The following VPS37B variants were observed in gnomAD, a reference collection of about 807,000 sequenced individuals.
VPS37B encodes the protein vacuolar protein sorting-associated protein 37B.
A neutral mutation model predicts 21.2 loss-of-function variants in VPS37B; 11 were observed. The observed-to-expected ratio is 0.52, with a 90% CI of 0.33 to 0.86. The LOEUF (loss-of-function observed/expected upper bound fraction) is 0.86, where lower values mean the gene tolerates loss of function less well. Ranked by LOEUF, VPS37B falls within the 40% of genes least tolerant of loss-of-function variation. The pLI is 0.03. For missense variants in VPS37B, 389 were observed against 374.8 expected, an observed-to-expected ratio of 1.04 and a Z score of -0.31; for synonymous variants, 175 against 159.6, an observed-to-expected ratio of 1.10 and a Z score of -0.73.
chr12:122,872,620 GCT>G, intron 1 of VPS37B: 1 of 985,358 alleles, frequency 1.0e-6, no homozygotes, highest in South Asian at 4.7e-5. Context: ...CTCTCCATGG[GCT>G]TTCTATGCCA....
chr12:122,894,583 C>T (rs1251321751), intron 1 of VPS37B, among the ~76,000 whole-genome samples: 1 of 152,186 alleles, frequency 6.6e-6, no homozygotes, highest in Admixed American at 6.5e-5. Flanking sequence ...CGTGGGAAGG[C>T]TCAGACTTCA....
At chr12:122,894,216 A>T (rs1472883501) in intron 1 of VPS37B, among the ~76,000 whole-genome samples, 1 of 152,254 alleles carries the variant, frequency 6.6e-6, no homozygotes, top group Non-Finnish European at 1.5e-5. Context: ...GGAGACATGA[A>T]ACTCATTCAG....
At position 122,867,437 on chromosome 12, in the gene VPS37B, C is replaced by T. The variant is rs750092120; in HGVS notation, c.537G>A (p.Arg179=). 6.2e-7 allele frequency: 1 copy of T among 1,608,710 alleles called. No individual in the cohort carries two copies. Among genetic ancestry groups the T allele is most frequent in the East Asian group, 2.2e-5 (1 of 44,658 alleles). Residue 179 remains arginine, a synonymous_variant, in exon 4 of 4, where the codon AGG becomes AGA. Transcript: ENST00000267202. This position sits in a 1 kb window ranked among gnomAD's most constrained non-coding sequence, Gnocchi z 5.5. Reference sequence around the variant, plus strand: ...GGGCGGTAGGTGCCAGTTCGGGCAGCCTGGGGGGCAGCGGGGCCAGGGCCT... The same window carrying T: ...GGGCGGTAGGTGCCAGTTCGGGCAGTCTGGGGGGCAGCGGGGCCAGGGCCT... ...LPQALAPLPP[R]LPELAPTAPL...
intron 1 of VPS37B, chr12:122,881,366 T>C (rs2034244296): frequency 6.6e-6 from 1 of 152,282 alleles, no homozygotes; most frequent in South Asian, 2.1e-4. Context: ...CCCCAGTTAC[T>C]TGGGAGGCTG....
intron 1 of VPS37B, among the ~76,000 whole-genome samples, chr12:122,894,499 T>C (rs779828766): frequency 3.9e-5 from 6 of 152,216 alleles, no homozygotes; most frequent in Non-Finnish European, 8.8e-5. Context: ...GGCTTGGTGC[T>C]GAACAATCCC....
intron 1 of VPS37B, chr12:122,885,204 T>C (rs972962114): frequency 3.3e-5 from 5 of 151,934 alleles, no homozygotes; most frequent in African/African-American, 1.2e-4. Context: ...TCATATTTCA[T>C]GTAGGGGATC....
intron 1 of VPS37B, among the ~76,000 whole-genome samples, chr12:122,894,343 C>T (rs1450779789): frequency 6.6e-6 from 1 of 152,174 alleles, no homozygotes; most frequent in Non-Finnish European, 1.5e-5. Flanking sequence ...AGTTACAAAG[C>T]CCATGAATAC....
At chr12:122,887,821 T>A (rs1485399827) in intron 1 of VPS37B, 1 of 152,280 alleles carries the variant, frequency 6.6e-6, no homozygotes, top group Non-Finnish European at 1.5e-5. Context: ...ACCTCAGTCA[T>A]GTTCACATTA....
chr12:122,881,807 T>C (rs890351710), intron 1 of VPS37B: 2 of 152,176 alleles, frequency 1.3e-5, no homozygotes, highest in African/African-American at 4.8e-5. Flanking sequence ...ATACCTTTTT[T>C]AAAAAAACCT....
chr12:122,891,293 A>C (rs1165360001), intron 1 of VPS37B, among the ~76,000 whole-genome samples: 1 of 152,226 alleles, frequency 6.6e-6, no homozygotes, highest in East Asian at 1.9e-4. Flanking sequence ...TGAAAATTGC[A>C]TCTTAATAAA....
At position 122,868,676 on chromosome 12, in the gene VPS37B, C is replaced by A. The variant is rs2033958313; in HGVS notation, c.284-114G>T. The stretch of plus-strand genomic sequence containing the variant: ...TTTCCAGGAAGCTGAATGTGAAAGG[C>A]TTGAAAACCTACAGGGGAACAAGTG... On this transcript the variant is annotated intron_variant, in intron 2 of 3. Coordinates refer to ENST00000267202, the MANE Select transcript of VPS37B (RefSeq NM_024667.3). This position sits in a 1 kb window ranked among gnomAD's most constrained non-coding sequence, Gnocchi z 5.5. 1.1e-6 allele frequency: 1 copy of A among 915,128 alleles called. No homozygotes were observed. Among genetic ancestry groups the A allele is most frequent in the Non-Finnish European group, 1.7e-6 (1 of 589,804 alleles). 56.7% of individuals were successfully genotyped at this position (915,128 alleles called of 1,614,324 possible).
chr12:122,872,248 CAG>C, intron 1 of VPS37B: 1 of 985,464 alleles, frequency 1.0e-6, no homozygotes, highest in Non-Finnish European at 1.2e-6. Flanking sequence ...CTCAGGGAAT[CAG>C]AGAACAAAGA....
At chr12:122,871,262 G>C (rs1386984757) in intron 1 of VPS37B, 1 of 1,349,622 alleles carries the variant, frequency 7.4e-7, no homozygotes, top group East Asian at 2.8e-5. Flanking sequence ...CCGTCGTAAA[G>C]AATGAGGCCG....
intron 1 of VPS37B, chr12:122,876,823 A>G (rs1258225494): frequency 1.3e-5 from 2 of 152,138 alleles, no homozygotes; most frequent in Non-Finnish European, 2.9e-5. Flanking sequence ...AAGAAAAGAG[A>G]TCTACAGTCC....
intron 1 of VPS37B, among the ~76,000 whole-genome samples, chr12:122,891,490 C>T (rs934563866): frequency 1.3e-5 from 2 of 152,202 alleles, no homozygotes; most frequent in Non-Finnish European, 2.9e-5. Flanking sequence ...TGATGCCTCA[C>T]TTAAGGATAA....
chr12:122,875,223 A>ATTTTTTTTTTTTTTTTTTT (rs34993068), intron 1 of VPS37B: 7 of 95,998 alleles, frequency 7.3e-5, no homozygotes, highest in Non-Finnish European at 9.9e-5. Context: ...CACCTGGCTA[A>ATTTTTTTTTTTTTTTTTTT]TTTTTTTTTT....
intron 1 of VPS37B, among the ~76,000 whole-genome samples, chr12:122,894,822 C>T (rs2034466019): frequency 6.6e-6 from 1 of 152,168 alleles, no homozygotes; most frequent in Non-Finnish European, 1.5e-5. Flanking sequence ...CTGGCACATG[C>T]CTTCCAGGGG....
chr12:122,888,965 T>A, intron 1 of VPS37B: 1 of 187,102 alleles, frequency 5.3e-6, no homozygotes, highest in South Asian at 8.0e-5. Context: ...ACTCCCTCCC[T>A]CCTGCACCCC....
In VPS37B at chr12:122,867,383, A is replaced by G; in HGVS notation, c.591T>C (p.Ser197=). 7.1e-7 allele frequency: 1 copy of G among 1,405,616 alleles called. No homozygotes were observed. The highest frequency in any genetic ancestry group is 9.4e-7 in the Non-Finnish European group (1 of 1,061,918). The allele number at this position is 1,405,616 out of a possible 1,614,324, so 87.1% of individuals were successfully genotyped here. Residue 197 remains serine (S), a synonymous_variant, in exon 4 of 4, where the codon AGT becomes AGC. Coordinates refer to ENST00000267202, the MANE Select transcript of VPS37B (RefSeq NM_024667.3). The surrounding 1 kb of genome is among the most constrained non-coding windows in gnomAD (Gnocchi z 5.5). The part of the protein sequence containing the change: ...APLPYPAPEA[S]GPPAVAPRRI... ...GCCGAGGTGCAACGGCAGGAGGCCC[A>G]CTGGCCTCTGGGGCAGGGTAGGGAA... is the stretch of plus-strand genomic sequence containing the variant.
Sources: allele counts gnomAD v4.1 joint callset (sites outside exome capture counted in the v4.1 genomes callset), GRCh38; gene constraint gnomAD v4.1.1; non-coding constraint Gnocchi (gnomAD v3.1); transcripts MANE v1.5; gene names NCBI Gene and HGNC (gene_info 2026-07-23, HGNC 2026-07-21).